PBX3: variants seen among roughly 807,000 people sequenced by gnomAD.
The protein encoded by PBX3 is PBX homeobox 3.
Under a neutral mutation model 48.5 loss-of-function variants are expected in PBX3, and 14 were observed. That is an observed-to-expected ratio of 0.29 (90% CI 0.19 to 0.45). The LOEUF (loss-of-function observed/expected upper bound fraction) is 0.45, where lower values mean the gene tolerates loss of function less well. Among genes scored for constraint, PBX3 ranks in the 20% least tolerant of loss-of-function variants. PBX3 has a pLI of 1.00. For missense variants in PBX3, 386 were observed against 546.7 expected (o/e 0.71, Z 2.93); for synonymous variants, 210 against 200.3 (o/e 1.05, Z -0.41).
intron 1 of PBX3, among the ~76,000 whole-genome samples, 159 bp downstream of exon 1, chr9:125,747,812 C>A (rs902072587): frequency 2.0e-5 from 3 of 151,568 alleles, no homozygotes; most frequent in Non-Finnish European, 4.4e-5. Context: ...GGGACTTGCC[C>A]GCGCCCCCCG....
At chr9:125,908,043 G>T (rs997572612) in intron 2 of PBX3, among the ~76,000 whole-genome samples, 1 of 152,098 alleles carries the variant, frequency 6.6e-6, no homozygotes, top group Non-Finnish European at 1.5e-5. Flanking sequence ...GGATTTTTAG[G>T]CTAAGTAATA....
chr9:125,838,882 G>T (rs1009268351), intron 2 of PBX3, among the ~76,000 whole-genome samples: 31 of 152,304 alleles, frequency 2.0e-4, no homozygotes, highest in African/African-American at 7.5e-4. Flanking sequence ...AGGCTGAAAG[G>T]AGTGGATTTT....
At position 125,915,805 on chromosome 9, in the gene PBX3, G is replaced by A; in HGVS notation, c.394G>A (p.Ala132Thr). 6.2e-6 allele frequency: 10 copies of A among 1,613,730 alleles called. No homozygotes were observed. Among genetic ancestry groups the A allele is most frequent in the Non-Finnish European group, 7.6e-6 (9 of 1,179,970 alleles). ...TGAGAAAGGTGGGGGATCGGCGGCA[G>A]CAGCTGCAGCCGCGGCAGCCTCTGG... ...GPEKGGGSAA[A>T]AAAAAASGGS... Residue 132 changes from alanine to threonine, a missense_variant, in exon 3 of 9, where the codon GCA becomes ACA. Physicochemically the swap from Ala to Thr is moderately conservative, Grantham distance 58 (BLOSUM62 0). Coordinates refer to ENST00000373489, the MANE Select transcript of PBX3 (RefSeq NM_006195.6).
At chr9:125,875,238 T>A (rs1365282898) in intron 2 of PBX3, among the ~76,000 whole-genome samples, 1 of 152,184 alleles carries the variant, frequency 6.6e-6, no homozygotes, top group African/African-American at 2.4e-5. Flanking sequence ...TTCTCATTTC[T>A]TTATACATGT....
chr9:125,944,201 T>G (rs1482416964), intron 5 of PBX3, among the ~76,000 whole-genome samples: 3 of 152,352 alleles, frequency 2.0e-5, no homozygotes, highest in East Asian at 3.9e-4. Flanking sequence ...GAGATGCTCT[T>G]GGGCTTTCCT....
intron 2 of PBX3, among the ~76,000 whole-genome samples, chr9:125,750,089 CTT>C (rs1836329563): frequency 6.6e-6 from 1 of 152,174 alleles, no homozygotes; most frequent in South Asian, 2.1e-4. Context: ...CTTGAAGATT[CTT>C]AGTTTAGAAG....
At position 125,760,329 on chromosome 9, in the gene PBX3, CTT is replaced by C. The variant is rs139089347; in HGVS notation, c.274+11709_274+11710del. 2.9e-3 allele frequency among the ~76,000 whole-genome samples: 436 copies of C among 151,784 alleles called. 7 individuals carry two copies. The East Asian group carries it at 0.062, about 22-fold the overall frequency. ...TTATTTGCTTTTTAATGATTTAACT[CTT>C]TTAAACAGTGCATCTTTTTGTGCTT... On this transcript the variant is annotated intron_variant, in intron 2 of 8. Coordinates refer to ENST00000373489, the MANE Select transcript of PBX3 (RefSeq NM_006195.6).
intron 4 of PBX3, 121 bp from the exon 5 acceptor site, chr9:125,935,351 A>T (rs1028545110): frequency 2.5e-6 from 2 of 784,592 alleles, no homozygotes; most frequent in African/African-American, 3.5e-5. Flanking sequence ...ACAGAAATAA[A>T]TTAGACCTTA....
At chr9:125,963,226 C>T (rs926566960) in intron 8 of PBX3, 125 bp downstream of exon 8, 5 of 519,354 alleles carry the variant, frequency 9.6e-6, no homozygotes, top group African/African-American at 1.9e-5. Context: ...AGCGTCTTTG[C>T]TGCACTTTTA....
At chr9:125,750,611 CAAAAG>C (rs1350558838) in intron 2 of PBX3, among the ~76,000 whole-genome samples, 1 of 152,180 alleles carries the variant, frequency 6.6e-6, no homozygotes, top group East Asian at 1.9e-4. Flanking sequence ...AGGCAGCTGA[CAAAAG>C]AAATTTTTGT....
At chr9:125,920,523 A>C (rs1024294333) in intron 3 of PBX3, among the ~76,000 whole-genome samples, 1 of 152,214 alleles carries the variant, frequency 6.6e-6, no homozygotes, top group Non-Finnish European at 1.5e-5. Context: ...AAAAAGGAAA[A>C]GATATATAAT....
chr9:125,788,491 G>A (rs1837514298), intron 2 of PBX3, among the ~76,000 whole-genome samples: 1 of 152,154 alleles, frequency 6.6e-6, no homozygotes, highest in Non-Finnish European at 1.5e-5. Context: ...TAATACAAAA[G>A]ATTTCAGACA....
At chr9:125,753,922 C>T (rs889267975) in intron 2 of PBX3, among the ~76,000 whole-genome samples, 1 of 151,964 alleles carries the variant, frequency 6.6e-6, no homozygotes, top group African/African-American at 2.4e-5. Context: ...TTTAAATTAA[C>T]GTATTAGTTG....
At chr9:125,858,141 A>G (rs1839769929) in intron 2 of PBX3, among the ~76,000 whole-genome samples, 1 of 152,218 alleles carries the variant, frequency 6.6e-6, no homozygotes, top group Non-Finnish European at 1.5e-5. Flanking sequence ...AAGCGGGAGG[A>G]TCACATGAGC....
chr9:125,752,230 G>A (rs1481839262), intron 2 of PBX3, among the ~76,000 whole-genome samples: 1 of 152,176 alleles, frequency 6.6e-6, no homozygotes, highest in Non-Finnish European at 1.5e-5. Flanking sequence ...TGTAGCCTTT[G>A]TGAGGCTTAT....
intron 2 of PBX3, among the ~76,000 whole-genome samples, chr9:125,823,909 C>T (rs1011525630): frequency 6.6e-6 from 1 of 152,026 alleles, no homozygotes; most frequent in African/African-American, 2.4e-5. Flanking sequence ...AACCCCATCT[C>T]TACCAAAAAT....
chr9:125,768,712 C>T (rs188559376), intron 2 of PBX3, among the ~76,000 whole-genome samples: 26 of 152,308 alleles, frequency 1.7e-4, no homozygotes, highest in Non-Finnish European at 2.9e-4. Context: ...GAAGAAATAT[C>T]TGGCCTCATA....
chr9:125,811,075 C>G (rs150306960), intron 2 of PBX3, among the ~76,000 whole-genome samples: 1 of 152,150 alleles, frequency 6.6e-6, no homozygotes, highest in Non-Finnish European at 1.5e-5. Context: ...GGTTCCTTAG[C>G]CTCTTTCTTT....
At chr9:125,805,408 G>A (rs887122185) in intron 2 of PBX3, among the ~76,000 whole-genome samples, 2 of 152,168 alleles carry the variant, frequency 1.3e-5, no homozygotes, top group African/African-American at 4.8e-5. Context: ...AGTGGGAAGC[G>A]TGTGAAGGGT....
Sources: allele counts gnomAD v4.1 joint callset (sites outside exome capture counted in the v4.1 genomes callset), GRCh38; gene constraint gnomAD v4.1.1; transcripts MANE v1.5; gene names NCBI Gene and HGNC (gene_info 2026-07-23, HGNC 2026-07-21).